Variants in LOXHD1 observed in about 807,000 individuals in gnomAD.
The protein encoded by LOXHD1 is lipoxygenase homology PLAT domains 1, also known as lipoxygenase homology domain-containing protein 1.
LOXHD1 carries 205 observed loss-of-function variants against 248.2 expected under a neutral mutation model. The observed-to-expected ratio is 0.83, with a 90% CI of 0.74 to 0.93. The LOEUF (loss-of-function observed/expected upper bound fraction) is 0.93, where lower values mean the gene tolerates loss of function less well. Ranked by LOEUF, LOXHD1 falls within the 40% of genes least tolerant of loss-of-function variation. The pLI is 0.00. For synonymous variants in LOXHD1, 1,113 were observed against 1,162.8 expected (o/e 0.96, Z 0.87); for missense variants, 2,930 against 2,971.6 (o/e 0.99, Z 0.33).
intron 4 of LOXHD1, among the ~76,000 whole-genome samples, chr18:46,624,202 C>T (rs2038707236): frequency 6.6e-6 from 1 of 152,232 alleles, no homozygotes; most frequent in Non-Finnish European, 1.5e-5. Context: ...AGTGAATCTG[C>T]AATGGCTCAC....
At chr18:46,477,999 C>T (rs1330490599) in intron 40 of LOXHD1, 47 bp from the exon 41 acceptor site, 2 of 1,514,326 alleles carry the variant, frequency 1.3e-6, no homozygotes, top group Non-Finnish European at 1.8e-6. Context: ...AAGCAGACCC[C>T]AGCCGAGGCT....
intron 12 of LOXHD1, among the ~76,000 whole-genome samples, chr18:46,588,221 A>C (rs921519075): frequency 6.6e-6 from 1 of 152,032 alleles, no homozygotes; most frequent in Non-Finnish European, 1.5e-5. Context: ...AGCATAAGAT[A>C]AATGTTTGTG....
intron 29 of LOXHD1, 150 bp from the exon 30 acceptor site, chr18:46,525,067 C>A (rs990411266): frequency 2.3e-6 from 2 of 856,858 alleles, no homozygotes; most frequent in Non-Finnish European, 3.6e-6. Flanking sequence ...AAATCCCCAA[C>A]ACCGAGCCTG....
At chr18:46,649,435 C>A (rs1255417068) in intron 1 of LOXHD1, among the ~76,000 whole-genome samples, 166 bp from the exon 2 acceptor site, 1 of 152,176 alleles carries the variant, frequency 6.6e-6, no homozygotes, top group Admixed American at 6.5e-5. Context: ...CACGATATGT[C>A]CTGCTGCAAG....
intron 14 of LOXHD1, 102 bp downstream of exon 14, chr18:46,577,605 C>T: frequency 7.4e-7 from 1 of 1,346,012 alleles, no homozygotes; most frequent in Non-Finnish European, 1.0e-6. Context: ...AGCCTTAAGC[C>T]ACTGTTTTGC....
chr18:46,529,527 C>T (rs1158854917), intron 28 of LOXHD1, among the ~76,000 whole-genome samples, 196 bp from the exon 29 acceptor site: 1 of 152,184 alleles, frequency 6.6e-6, no homozygotes, highest in Non-Finnish European at 1.5e-5. Flanking sequence ...GAACTGTGCT[C>T]ATCTGATCTA....
Position 46,591,971 on chromosome 18 carries a change from A to G in LOXHD1, c.1616T>C (p.Met539Thr). ...GCGCACTGTTGGGCCTTCTGCAGTCATTTCCCTCACTATCTCATTGTCATC... is the reference window on the plus strand; with the variant it reads ...GCGCACTGTTGGGCCTTCTGCAGTCGTTTCCCTCACTATCTCATTGTCATC... ...NEDDNEIVRE[M>T]TAEGPTVRRI... Residue 539 changes from methionine to threonine, a missense_variant, in exon 12 of 41, where the codon ATG (methionine) becomes ACG (threonine). Physicochemically the swap from Met to Thr is moderately conservative, Grantham distance 81 (BLOSUM62 -1). Transcript: ENST00000642948. 6.4e-7 allele frequency: 1 copy of G among 1,551,922 alleles called. No individual in the cohort carries two copies. Among genetic ancestry groups the G allele is most frequent in the Non-Finnish European group, 8.7e-7 (1 of 1,147,038 alleles).
downstream of LOXHD1, chr18:46,477,227 T>C (rs762915666): frequency 4.1e-6 from 3 of 732,164 alleles, no homozygotes; most frequent in African/African-American, 3.5e-5. Context: ...ACTACTGTTA[T>C]TACAGAAAAA....
intron 6 of LOXHD1, among the ~76,000 whole-genome samples, chr18:46,605,070 C>G (rs1018079526): frequency 6.6e-6 from 1 of 152,182 alleles, no homozygotes; most frequent in Non-Finnish European, 1.5e-5. Context: ...CAAGACCAAT[C>G]AAGCATCTGG....
chr18:46,493,691 G>A (rs549565424), intron 37 of LOXHD1, among the ~76,000 whole-genome samples: 19 of 152,306 alleles, frequency 1.2e-4, no homozygotes, highest in African/African-American at 4.1e-4. Flanking sequence ...TAAGAAAAAG[G>A]CTTAGAAACT....
At position 46,477,640 on chromosome 18, in the gene LOXHD1, C is replaced by T; in HGVS notation, c.6654G>A (p.Lys2218=). 1 of 1,551,822 alleles carries T rather than the reference C, an allele frequency of 6.4e-7. No individual in the cohort carries two copies. Among genetic ancestry groups the T allele is most frequent in the Non-Finnish European group, 8.7e-7 (1 of 1,147,032 alleles). ...CACTGCTGTCGTGCTCCAGGCGCAC[C>T]TTGCGCAGCTCACCCAGCTCCAGCG... ...LETLELGELR[K]VRLEHDSSGY... Residue 2218 remains lysine (K), a synonymous_variant, in exon 41 of 41, where the codon AAG becomes AAA. Transcript: ENST00000642948.
intron 10 of LOXHD1, among the ~76,000 whole-genome samples, chr18:46,593,153 T>C (rs2038203174): frequency 6.6e-6 from 1 of 152,112 alleles, no homozygotes; most frequent in Non-Finnish European, 1.5e-5. Flanking sequence ...GGAAAAAATC[T>C]TTGCTCTAGT....
intron 2 of LOXHD1, among the ~76,000 whole-genome samples, chr18:46,645,361 C>T (rs747442154): frequency 3.3e-5 from 5 of 152,256 alleles, no homozygotes; most frequent in Non-Finnish European, 5.9e-5. Context: ...AACCCCCACA[C>T]GGAGATCCTT....
At chr18:46,493,027 G>A (rs1451252129) in intron 37 of LOXHD1, among the ~76,000 whole-genome samples, 4 of 152,142 alleles carry the variant, frequency 2.6e-5, no homozygotes, top group Non-Finnish European at 5.9e-5. Flanking sequence ...AATGCAAACT[G>A]CTCATCAAGG....
At position 46,522,202 on chromosome 18, in the gene LOXHD1, T is replaced by C; in HGVS notation, c.4984A>G (p.Ile1662Val). ...IGEDDERSKR[I>V]WLDYPRGKRG... ...TTCCCTCGGGGGTAGTCCAACCAGATGCGCTTACTACGTTCATCATCCTCC... is the reference window on the plus strand; with the variant it reads ...TTCCCTCGGGGGTAGTCCAACCAGACGCGCTTACTACGTTCATCATCCTCC... The change falls in exon 32 of 41, where the codon ATC becomes GTC. Residue 1662 changes from isoleucine to valine, a missense_variant. Ile to Val is a conservative substitution (Grantham distance 29). Transcript: ENST00000642948. 1.3e-6 allele frequency: 2 copies of C among 1,551,736 alleles called. No homozygotes were observed. Among genetic ancestry groups the C allele is most frequent in the Non-Finnish European group, 8.7e-7 (1 of 1,146,998 alleles).
intron 12 of LOXHD1, among the ~76,000 whole-genome samples, chr18:46,590,258 G>A (rs1053955594): frequency 1.3e-5 from 2 of 152,058 alleles, no homozygotes; most frequent in East Asian, 3.9e-4. Flanking sequence ...GTTTTAACAA[G>A]CCCTCCTGGG....
chr18:46,506,585 G>A (rs1172853717), intron 36 of LOXHD1, among the ~76,000 whole-genome samples: 1 of 152,228 alleles, frequency 6.6e-6, no homozygotes, highest in East Asian at 1.9e-4. Flanking sequence ...TTTTCTGAGT[G>A]CATCATAAAG....
At chr18:46,606,025 A>G (rs1294706763) in intron 6 of LOXHD1, among the ~76,000 whole-genome samples, 1 of 152,214 alleles carries the variant, frequency 6.6e-6, no homozygotes, top group African/African-American at 2.4e-5. Context: ...AACTCACACC[A>G]TTCAACTGAT....
rs876657859 is a variant in LOXHD1 at position 46,649,190 on chromosome 18, C to A, written c.210G>T (p.Glu70Asp). The change falls in exon 2 of 41, where the codon GAG (glutamate) becomes GAT (aspartate). Residue 70 changes from glutamate to aspartate, a missense_variant. Glu to Asp is a conservative substitution (Grantham distance 45). Coordinates refer to ENST00000642948, the MANE Select transcript of LOXHD1 (RefSeq NM_001384474.1). ...GCTGGAGCTTGGGAGAGAGCCCATT[C>A]TCTCCAAAAAGCGTGATGAAGACAT... Reference protein sequence around the residue: ...DANVFITLFGENGLSPKLQLT... With the variant: ...DANVFITLFGDNGLSPKLQLT... 17 of 1,551,766 alleles carry A rather than the reference C, an allele frequency of 1.1e-5. No individual in the cohort carries two copies. The Admixed American group carries it at 3.1e-4, about 29-fold the overall frequency.
Sources: allele counts gnomAD v4.1 joint callset (sites outside exome capture counted in the v4.1 genomes callset), GRCh38; gene constraint gnomAD v4.1.1; transcripts MANE v1.5; gene names NCBI Gene and HGNC (gene_info 2026-07-23, HGNC 2026-07-21).